Variants in RADX observed in about 807,000 individuals in gnomAD.
RADX encodes RPA1 related single stranded DNA binding protein, X-linked.
RADX carries 36 observed loss-of-function variants against 61.6 expected under a neutral mutation model. The ratio of observed to expected loss-of-function variants is 0.58; its 90% CI spans 0.45 to 0.77. RADX has a LOEUF of 0.77. Ranked by LOEUF, RADX falls within the 30% of genes least tolerant of loss-of-function variation. RADX has a pLI of 0.00. For missense variants in RADX, 497 were observed against 651.1 expected (o/e 0.76, Z 2.58); for synonymous variants, 272 against 237.9 (o/e 1.14, Z -1.32).
chrX:106,646,592 G>C (rs1927664886), intron 10 of RADX, among the ~76,000 whole-genome samples: 1 of 111,079 alleles, frequency 9.0e-6, no homozygotes, highest in East Asian at 2.8e-4. Flanking sequence ...AGTTAGCCTT[G>C]GCAAGAGATC....
intron 10 of RADX, among the ~76,000 whole-genome samples, chrX:106,644,707 G>C (rs1482183850): frequency 3.6e-5 from 4 of 111,221 alleles, no homozygotes; most frequent in African/African-American, 1.3e-4. Flanking sequence ...AAATTCTTCA[G>C]AGATATTGAC....
intron 1 of RADX, among the ~76,000 whole-genome samples, chrX:106,616,364 T>C (rs774992362): frequency 8.9e-6 from 1 of 111,896 alleles, no homozygotes; most frequent in East Asian, 2.8e-4. Context: ...TTTAAGACAC[T>C]TGGTTTTACT....
intron 7 of RADX, among the ~76,000 whole-genome samples, chrX:106,636,946 T>C (rs1158431150): frequency 9.0e-6 from 1 of 111,482 alleles, no homozygotes; most frequent in Non-Finnish European, 1.9e-5. Context: ...GCTTGATAGA[T>C]TGAAGACCTG....
In RADX at chrX:106,616,586, G is replaced by A. The variant is rs919732399; in HGVS notation, c.643+3863G>A. On this transcript the variant is annotated intron_variant, in intron 1 of 13. Transcript: ENST00000372548. ...TGCTTAGGCTGCATCCCCCAGGTTT[G>A]GAAGTATAGAGATTTTATTGTTACT... is the stretch of plus-strand genomic sequence containing the variant. Among the ~76,000 whole-genome samples the A allele has an allele frequency of 3.6e-5, 4 of 111,253 alleles. No individual in the cohort carries two copies. The East Asian group carries it at 8.4e-4, about 23-fold the overall frequency.
intron 10 of RADX, among the ~76,000 whole-genome samples, chrX:106,646,034 G>T (rs771612363): frequency 1.3e-4 from 14 of 109,971 alleles, no homozygotes; most frequent in African/African-American, 4.6e-4. Context: ...TATTGTTTTT[G>T]TCTCAAAATC....
rs1927258415 is a variant in RADX at position 106,632,522 on chromosome X, G to A, written c.980-103G>A. 7.0e-6 allele frequency: 3 copies of A among 427,067 alleles called. No individual in the cohort carries two copies. In the Admixed American group the frequency reaches 1.4e-4, roughly 20 times the overall value. The allele number at this position is 427,067 out of a possible 1,213,427, so 35.2% of individuals were successfully genotyped here. On this transcript the variant is annotated intron_variant, in intron 3 of 13. Transcript: ENST00000372548. ...AGTCTAGTTCTTGAGTTTAGTGGTG[G>A]GTTCAAAATGTTCAGTATACTATTT...
intron 11 of RADX, among the ~76,000 whole-genome samples, chrX:106,656,325 T>G (rs1927940003): frequency 8.9e-6 from 1 of 111,776 alleles, no homozygotes; most frequent in African/African-American, 3.2e-5. Flanking sequence ...CTTCCTACCC[T>G]AAAGTGTTGA....
At chrX:106,658,200 G>C (rs1260052200) in intron 11 of RADX, among the ~76,000 whole-genome samples, 1 of 111,905 alleles carries the variant, frequency 8.9e-6, no homozygotes, top group East Asian at 2.8e-4. Context: ...AAGAAAACTT[G>C]AGTGTCTACA....
chrX:106,630,083 G>A (rs1482904225), intron 3 of RADX, among the ~76,000 whole-genome samples: 2 of 111,935 alleles, frequency 1.8e-5, no homozygotes, highest in South Asian at 3.7e-4. Context: ...AGCACTTTGG[G>A]AGGCCAAGGC....
chrX:106,644,302 GTAC>G (rs1927603035), intron 10 of RADX, among the ~76,000 whole-genome samples: 1 of 110,970 alleles, frequency 9.0e-6, no homozygotes, highest in South Asian at 3.8e-4. Flanking sequence ...AGGACTTCCA[GTAC>G]TATGCTGAAT....
In RADX at chrX:106,669,152, T is replaced by C; in HGVS notation, c.2270-11T>C. The C allele has an allele frequency of 8.3e-7, 1 of 1,198,394 alleles. No homozygotes were observed. Among genetic ancestry groups the C allele is most frequent in the Non-Finnish European group, 1.1e-6 (1 of 885,307 alleles). Reference sequence around the variant, plus strand: ...CTGAACTTTTAATAATGTGTGAACTTTCTTTAACAGGTCTGAACCATGAGA... The same window carrying C: ...CTGAACTTTTAATAATGTGTGAACTCTCTTTAACAGGTCTGAACCATGAGA... On this transcript the variant is annotated splice_polypyrimidine_tract_variant and intron_variant, in intron 12 of 13. Coordinates refer to ENST00000372548, the MANE Select transcript of RADX (RefSeq NM_018015.6).
At chrX:106,636,399 T>C in intron 6 of RADX, 144 bp from the exon 7 acceptor site, 1 of 420,454 alleles carries the variant, frequency 2.4e-6, no homozygotes. Context: ...ACCCTAGACC[T>C]ACTGAATCTG....
At chrX:106,613,256 A>G (rs768701216) in intron 1 of RADX, among the ~76,000 whole-genome samples, 2 of 112,093 alleles carry the variant, frequency 1.8e-5, no homozygotes, top group South Asian at 7.4e-4. Flanking sequence ...TTATGTAAAT[A>G]TCACCTTTTA....
At position 106,633,012 on chromosome X, in the gene RADX, C is replaced by T; in HGVS notation, c.1169C>T (p.Ser390Leu). 1.7e-6 allele frequency: 2 copies of T among 1,202,995 alleles called. No homozygotes were observed. The highest frequency in any genetic ancestry group is 2.2e-6 in the Non-Finnish European group (2 of 890,006). Reference sequence around the variant, plus strand: ...GTTTTTGTAGGAAGGGTCCAGCGGTCAAAAAAGAAAGGTAAGCTTTTAAAA... The same window carrying T: ...GTTTTTGTAGGAAGGGTCCAGCGGTTAAAAAAGAAAGGTAAGCTTTTAAAA... ...LLVFVGRVQR[S>L]KKKENREDFW... The change falls in exon 5 of 14, where the codon TCA (serine) becomes TTA (leucine). Residue 390 changes from serine to leucine, a missense_variant. Physicochemically the swap from Ser to Leu is moderately radical, Grantham distance 145. Transcript: ENST00000372548.
chrX:106,614,097 T>C (rs939025411), intron 1 of RADX, among the ~76,000 whole-genome samples: 2 of 111,676 alleles, frequency 1.8e-5, no homozygotes, highest in African/African-American at 6.5e-5. Flanking sequence ...TGATAAAATC[T>C]AGGAAGTGGG....
At chrX:106,639,784 G>C (rs747980283) in intron 9 of RADX, 97 bp downstream of exon 9, 4 of 665,226 alleles carry the variant, frequency 6.0e-6, no homozygotes, top group Non-Finnish European at 8.5e-6. Context: ...CACGTGTATT[G>C]ACTCTTAATA....
chrX:106,660,157 TCAATTTAGTCCTA>T (rs1928052828), intron 11 of RADX, among the ~76,000 whole-genome samples: 1 of 111,814 alleles, frequency 8.9e-6, no homozygotes, highest in African/African-American at 3.2e-5. Context: ...TTCCCAATCA[TCAATTTAGTCCTA>T]CTAACTCTTT....
rs759914321 is a variant in RADX at position 106,651,859 on chromosome X, G to T, written c.1978+3473G>T. 8.2e-5 allele frequency among the ~76,000 whole-genome samples: 9 copies of T among 110,318 alleles called. No individual in the cohort carries two copies. The East Asian group carries it at 2.0e-3, about 25-fold the overall frequency. On this transcript the variant is annotated intron_variant, in intron 11 of 13. Coordinates refer to ENST00000372548, the MANE Select transcript of RADX (RefSeq NM_018015.6). ...TCAGGGCAGTAAAGGTAGAAAAAAGGGGGAAAAAGCAAAGAAAAAGCATGA... is the reference window on the plus strand; with the variant it reads ...TCAGGGCAGTAAAGGTAGAAAAAAGTGGGAAAAAGCAAAGAAAAAGCATGA...
intron 13 of RADX, among the ~76,000 whole-genome samples, chrX:106,677,130 C>T (rs929310920): frequency 1.9e-4 from 21 of 111,902 alleles, no homozygotes; most frequent in African/African-American, 6.5e-4. Flanking sequence ...CAAAAGTAAA[C>T]CCTTGCATCT....
Sources: gnomAD v4.1 joint callset for allele counts (sites outside exome capture counted in the v4.1 genomes callset) on GRCh38, gnomAD v4.1.1 for gene constraint, MANE v1.5 for transcripts, NCBI Gene and HGNC (gene_info 2026-07-23, HGNC 2026-07-21) for gene names.